DNAH7: variants seen among roughly 807,000 people sequenced by gnomAD.
DNAH7 encodes the protein axonemal beta dynein heavy chain 7.
Under a neutral mutation model 444.6 loss-of-function variants are expected in DNAH7, and 397 were observed. The ratio of observed to expected loss-of-function variants is 0.89; its 90% confidence interval spans 0.82 to 0.97. The LOEUF is 0.97. DNAH7 is among the 50% of genes least tolerant of loss of function. DNAH7 has a pLI of 0.00. For synonymous variants in DNAH7, 1,636 were observed against 1,624.4 expected (o/e 1.01, Z -0.17); for missense variants, 4,902 against 4,800.8 (o/e 1.02, Z -0.62).
chr2:195,751,011 T>C (rs1041121175), intron 63 of DNAH7, among the ~76,000 whole-genome samples: 3 of 152,272 alleles, frequency 2.0e-5, no homozygotes, highest in South Asian at 2.1e-4. Flanking sequence ...GTGAGCTGTA[T>C]GGGAAAAAAT....
At chr2:196,003,801 T>C (rs1415594333) in intron 10 of DNAH7, among the ~76,000 whole-genome samples, 1 of 152,184 alleles carries the variant, frequency 6.6e-6, no homozygotes, top group African/African-American at 2.4e-5. Context: ...AATTCAATCT[T>C]TATAATTAGT....
chr2:195,930,255 T>C (rs1303540916), intron 21 of DNAH7, among the ~76,000 whole-genome samples: 3 of 152,100 alleles, frequency 2.0e-5, no homozygotes, highest in African/African-American at 2.4e-5. Context: ...GACAGAAGAA[T>C]TGCTTGAATC....
rs372501545 is a variant in DNAH7 at position 195,771,750 on chromosome 2, C to G, written c.11343G>C (p.Met3781Ile). ...RRYPTTYTQS[M>I]NTVLVQEMGR... Reference sequence around the variant, plus strand: ...CCATCTCTTGGACAAGTACAGTGTTCATGCTCTGAGTATAAGTTGTTGGGT... The same window carrying G: ...CCATCTCTTGGACAAGTACAGTGTTGATGCTCTGAGTATAAGTTGTTGGGT... The change falls in exon 61 of 65, where the codon ATG (methionine) becomes ATC (isoleucine). Residue 3781 changes from methionine (M) to isoleucine (I), a missense_variant. Physicochemically the swap from Met to Ile is conservative, Grantham distance 10 (BLOSUM62 1). Transcript: ENST00000312428. 4 of 1,614,022 alleles carry G rather than the reference C, an allele frequency of 2.5e-6. No individual in the cohort carries two copies. In the African/African-American group the frequency reaches 5.3e-5, roughly 22 times the overall value.
In DNAH7 at chr2:195,891,754, A is replaced by G. The variant is rs1702023961; in HGVS notation, c.4947T>C (p.Ser1649=). 6.2e-7 allele frequency: 1 copy of G among 1,608,576 alleles called. No individual in the cohort carries two copies. The highest frequency in any genetic ancestry group is 1.3e-5 in the African/African-American group (1 of 74,796). ...GTCCGTACAGTTGGCCCATGGTGACAGACTTAGGATTTAAAACAGTTATTT... is the reference window on the plus strand; with the variant it reads ...GTCCGTACAGTTGGCCCATGGTGACGGACTTAGGATTTAAAACAGTTATTT... ...KVQITVLNPK[S]VTMGQLYGQF... Residue 1649 remains serine (S), a synonymous_variant, in exon 31 of 65, where the codon TCT becomes TCC. Transcript: ENST00000312428.
At chr2:195,761,380 AAAG>A (rs1397085030) in intron 61 of DNAH7, among the ~76,000 whole-genome samples, 2 of 152,168 alleles carry the variant, frequency 1.3e-5, no homozygotes, top group African/African-American at 4.8e-5. Context: ...TATTGGCCTT[AAAG>A]AAGAGGTAGA....
chr2:195,772,689 T>C (rs1281832017), intron 60 of DNAH7, among the ~76,000 whole-genome samples: 1 of 152,180 alleles, frequency 6.6e-6, no homozygotes, highest in African/African-American at 2.4e-5. Context: ...TTCTGTACTA[T>C]AAATATTAAC....
chr2:195,934,596 G>A lies in DNAH7; in HGVS notation c.3466C>T (p.His1156Tyr). The A allele has an allele frequency of 1.2e-6, 2 of 1,613,842 alleles. No homozygotes were observed. Among genetic ancestry groups the A allele is most frequent in the Non-Finnish European group, 1.7e-6 (2 of 1,179,818 alleles). Residue 1156 changes from histidine (H) to tyrosine (Y), a missense_variant, in exon 21 of 65, where the codon CAC becomes TAC. Coordinates refer to ENST00000312428, the MANE Select transcript of DNAH7 (RefSeq NM_018897.3). The stretch of plus-strand genomic sequence containing the variant: ...TCATCAGTATAATCAGCTACCTTGT[G>A]GATGGAGTTAATCATAACTCTCTCT... ...ELERVMINSI[H>Y]KVTGDATFAY...
In DNAH7 at chr2:195,881,854, G is replaced by A. The variant is rs1701401651; in HGVS notation, c.5902C>T (p.His1968Tyr). 1.2e-6 allele frequency: 2 copies of A among 1,613,992 alleles called. No individual in the cohort carries two copies. Among genetic ancestry groups the A allele is most frequent in the Non-Finnish European group, 1.7e-6 (2 of 1,179,934 alleles). Reference protein sequence around the residue: ...YSALMELLTTHQKPSIFVGPT... With the variant: ...YSALMELLTTYQKPSIFVGPT... ...CCTACAAATATTGAAGGCTTTTGAT[G>A]GGTGGTCAGCAATTCCATTAATGCA... The change falls in exon 36 of 65, where the codon CAT (histidine) becomes TAT (tyrosine). Residue 1968 changes from histidine (H) to tyrosine (Y), a missense_variant. Physicochemically the swap from His to Tyr is moderately conservative, Grantham distance 83. Transcript: ENST00000312428.
chr2:195,942,404 TGAA>T lies in DNAH7; in HGVS notation c.3079-5615_3079-5613del, dbSNP rs139273720. On this transcript the variant is annotated intron_variant, in intron 19 of 64. Transcript: ENST00000312428. ...AGGAGAAGAGGAAGAAGGAAGAAGA[TGAA>T]GAGGAGGAAGAGGAAGAAGGAAGAA... Among the ~76,000 whole-genome samples, 2,862 of 121,668 alleles carry T rather than the reference TGAA, an allele frequency of 0.024. 229 individuals are homozygous for T. In the East Asian group the frequency reaches 0.29, roughly 12 times the overall value. The allele number at this position is 121,668 out of a possible 152,430, so 79.8% of individuals were successfully genotyped here. A position where few individuals can be genotyped will look rare whatever the true frequency, so the allele number is the denominator to read the frequency against.
rs1695735442 is a variant in DNAH7, at chr2:196,027,080, T to C, written c.487-140A>G. 8 of 608,278 alleles carry C rather than the reference T, an allele frequency of 1.3e-5. No individual in the cohort carries two copies. In the East Asian group the frequency reaches 2.0e-4, roughly 15 times the overall value. 37.7% of individuals were successfully genotyped at this position (608,278 alleles called of 1,614,324 possible). A position where few individuals can be genotyped will look rare whatever the true frequency, so the allele number is the denominator to read the frequency against. On this transcript the variant is annotated intron_variant, in intron 6 of 64. Coordinates refer to ENST00000312428, the MANE Select transcript of DNAH7 (RefSeq NM_018897.3). ...AAAAAAGTATTTGGTACAATTCACA[T>C]AGGTATTATTTGAGATCTCCTAAAT...
chr2:195,926,651 T>C, intron 21 of DNAH7, 85 bp from the exon 22 acceptor site: 18 of 1,205,500 alleles, frequency 1.5e-5, no homozygotes, highest in Non-Finnish European at 2.0e-5. Flanking sequence ...GATTAATTCA[T>C]ACTGCTCAAT....
intron 63 of DNAH7, among the ~76,000 whole-genome samples, chr2:195,744,293 C>T (rs973614197): frequency 1.4e-4 from 22 of 152,184 alleles, no homozygotes; most frequent in Admixed American, 6.5e-5. Context: ...AACTGCAAGG[C>T]GGCAGTGAGG....
At chr2:195,944,566 A>G (rs1689674472) in intron 19 of DNAH7, among the ~76,000 whole-genome samples, 1 of 152,186 alleles carries the variant, frequency 6.6e-6, no homozygotes, top group Non-Finnish European at 1.5e-5. Context: ...GGGTACCCAG[A>G]GTCAATTACA....
intron 54 of DNAH7, among the ~76,000 whole-genome samples, chr2:195,801,037 G>A (rs1696424317): frequency 6.6e-6 from 1 of 152,154 alleles, no homozygotes; most frequent in African/African-American, 2.4e-5. Flanking sequence ...GACACCCTTT[G>A]GGTGTCTGCT....
chr2:195,826,421 A>G (rs1697754188), intron 48 of DNAH7, among the ~76,000 whole-genome samples: 2 of 152,366 alleles, frequency 1.3e-5, no homozygotes, highest in South Asian at 4.1e-4. Flanking sequence ...ATCAAAATAA[A>G]TCAAAATAAA....
At position 196,055,804 on chromosome 2, in the gene DNAH7, A is replaced by G. The variant is rs371104705; in HGVS notation, c.78+2250T>C. 3.0e-4 allele frequency among the ~76,000 whole-genome samples: 46 copies of G among 152,302 alleles called. 9 individuals are homozygous for G. The highest frequency in any genetic ancestry group is 2.7e-3 in the Admixed American group (42 of 15,300). On this transcript the variant is annotated intron_variant, in intron 2 of 64. Transcript: ENST00000312428. ...TCACTACAAATATCCAAAACACCCT[A>G]TGTAACCCAAGCCTCCTATACAACA...
intron 49 of DNAH7, among the ~76,000 whole-genome samples, chr2:195,819,756 G>A (rs1267414347): frequency 1.3e-5 from 2 of 152,250 alleles, no homozygotes; most frequent in South Asian, 2.1e-4. Flanking sequence ...TAAAACTTAA[G>A]CGTGATCAGC....
intron 40 of DNAH7, among the ~76,000 whole-genome samples, chr2:195,869,028 C>T (rs1158583191): frequency 6.6e-6 from 1 of 151,806 alleles, no homozygotes; most frequent in Non-Finnish European, 1.5e-5. Flanking sequence ...CTTAGTTCAG[C>T]TAAAGGTGGG....
intron 47 of DNAH7, among the ~76,000 whole-genome samples, chr2:195,841,882 T>A (rs2124994761): frequency 6.6e-6 from 1 of 152,140 alleles, no homozygotes; most frequent in South Asian, 2.1e-4. Flanking sequence ...GGTGCTTTTG[T>A]GGGCTTTTTG....
Sources: gnomAD v4.1 joint callset for allele counts (sites outside exome capture counted in the v4.1 genomes callset) on GRCh38, gnomAD v4.1.1 for gene constraint, MANE v1.5 for transcripts, NCBI Gene and HGNC (gene_info 2026-07-23, HGNC 2026-07-21) for gene names.